Variants in DPP3 observed in about 807,000 individuals in gnomAD.
DPP3 encodes the protein DPP III.
DPP3 carries 64 observed loss-of-function variants against 89.8 expected under a neutral mutation model. That is an observed-to-expected ratio of 0.71 (90% CI 0.58 to 0.88). The LOEUF (loss-of-function observed/expected upper bound fraction) is 0.88. DPP3 is among the 40% of genes least tolerant of loss of function. The probability of loss-of-function intolerance (pLI) is 0.00; values close to 1 mark genes in which losing one functional copy is unlikely to be tolerated. For synonymous variants in DPP3, 377 were observed against 404.3 expected (o/e 0.93, Z 0.81); for missense variants, 835 against 972.5 (o/e 0.86, Z 1.88).
At chr11:66,485,397 A>G in intron 3 of DPP3, 135 bp downstream of exon 3, 1 of 840,718 alleles carries the variant, frequency 1.2e-6, no homozygotes, top group Non-Finnish European at 1.9e-6. Flanking sequence ...TCCACCCTGC[A>G]TGACTGTGGG....
intron 6 of DPP3, among the ~76,000 whole-genome samples, chr11:66,489,169 G>C (rs759689112): frequency 1.3e-5 from 2 of 152,040 alleles, no homozygotes; most frequent in Non-Finnish European, 2.9e-5. Context: ...CCTGGCCCCT[G>C]TCCAGGTCTT....
intron 17 of DPP3, among the ~76,000 whole-genome samples, chr11:66,508,326 T>C (rs1855854748): frequency 6.6e-6 from 1 of 152,188 alleles, no homozygotes; most frequent in Non-Finnish European, 1.5e-5. Flanking sequence ...CTAGCATTTG[T>C]TGAGCACCCC....
chr11:66,495,831 T>G, intron 15 of DPP3, 81 bp downstream of exon 15: 2 of 1,539,862 alleles, frequency 1.3e-6, no homozygotes, highest in Non-Finnish European at 1.7e-6. Context: ...ATGGGACCAC[T>G]GTACCTTTAA....
chr11:66,492,626 G>A, intron 9 of DPP3, 90 bp from the exon 10 acceptor site: 1 of 1,422,984 alleles, frequency 7.0e-7, no homozygotes, highest in Non-Finnish European at 9.5e-7. Flanking sequence ...CATACAGTAG[G>A]CATTCAGTAC....
intron 13 of DPP3, 29 bp downstream of exon 13, chr11:66,495,297 G>A (rs1004964047): frequency 6.2e-7 from 1 of 1,613,784 alleles, no homozygotes; most frequent in Admixed American, 1.7e-5. Flanking sequence ...GAGCCCCAGG[G>A]TACTGGGAGG....
At chr11:66,508,050 A>G (rs553039006) in intron 17 of DPP3, among the ~76,000 whole-genome samples, 6 of 152,324 alleles carry the variant, frequency 3.9e-5, no homozygotes, top group African/African-American at 1.4e-4. Context: ...CTCATTTTTC[A>G]TCTGGAAAAT....
intron 4 of DPP3, 43 bp downstream of exon 4, chr11:66,486,720 A>G: frequency 3.5e-6 from 5 of 1,449,054 alleles, no homozygotes; most frequent in Non-Finnish European, 4.6e-6. Context: ...AGTGGAGGGA[A>G]TCCTTCAAGG....
At chr11:66,498,601 C>A (rs1855601911) in intron 16 of DPP3, among the ~76,000 whole-genome samples, 1 of 152,186 alleles carries the variant, frequency 6.6e-6, no homozygotes, top group South Asian at 2.1e-4. Context: ...CCCTCAGTAA[C>A]AACACTTCTA....
Position 66,509,510 on chromosome 11 carries a change from G to C in DPP3, c.*259G>C. The C allele has an allele frequency of 1.6e-6, 2 of 1,224,774 alleles. No individual in the cohort carries two copies. The highest frequency in any genetic ancestry group is 2.3e-6 in the Non-Finnish European group (2 of 863,684). 75.9% of individuals were successfully genotyped at this position (1,224,774 alleles called of 1,614,324 possible). A position where few individuals can be genotyped will look rare whatever the true frequency, so the allele number is the denominator to read the frequency against. Reference sequence around the variant, plus strand: ...ACAGGGCTTACCATCCTGTCTACCAGATGAGGAAATGGCAGTTCTGAGAAG... The same window carrying C: ...ACAGGGCTTACCATCCTGTCTACCACATGAGGAAATGGCAGTTCTGAGAAG... On this transcript the variant is annotated 3_prime_UTR_variant, in exon 18 of 18. Coordinates refer to ENST00000531863, the MANE Select transcript of DPP3 (RefSeq NM_130443.4).
In DPP3 at chr11:66,495,247, C is replaced by A; in HGVS notation, c.1431C>A (p.Ile477=). 1 of 1,612,894 alleles carries A rather than the reference C, an allele frequency of 6.2e-7. No homozygotes were observed. Among genetic ancestry groups the A allele is most frequent in the South Asian group, 1.1e-5 (1 of 91,012 alleles). The change falls in exon 13 of 18, where the codon ATC becomes ATA. Residue 477 remains isoleucine, a synonymous_variant. Transcript: ENST00000531863. Reference sequence around the variant, plus strand: ...TCAACTTTGACCAGGAAACAGTGATCAACCCAGAGACGGGCGAGCAGGTGA... The same window carrying A: ...TCAACTTTGACCAGGAAACAGTGATAAACCCAGAGACGGGCGAGCAGGTGA... ...GAFNFDQETV[I]NPETGEQIQS... is the part of the protein sequence containing the mutation.
chr11:66,494,837 C>A (rs911455363), intron 12 of DPP3, among the ~76,000 whole-genome samples: 1 of 152,152 alleles, frequency 6.6e-6, no homozygotes, highest in Non-Finnish European at 1.5e-5. Flanking sequence ...GCCAGGAGCC[C>A]GTGGTGGGCA....
chr11:66,499,756 C>T (rs1027161597), intron 16 of DPP3, among the ~76,000 whole-genome samples: 3 of 151,126 alleles, frequency 2.0e-5, no homozygotes, highest in Non-Finnish European at 2.9e-5. Flanking sequence ...GGTGACACAG[C>T]GAAACACTGC....
chr11:66,482,237 G>T lies in DPP3; in HGVS notation c.37G>T (p.Gly13Cys), dbSNP rs955266815. Residue 13 changes from glycine to cysteine, a missense_variant, in exon 2 of 18, where the codon GGC becomes TGC. Coordinates refer to ENST00000531863, the MANE Select transcript of DPP3 (RefSeq NM_130443.4). Reference sequence around the variant, plus strand: ...CCAGTACATCCTGCCCAATGACATCGGCGTGTCTAGCCTGGACTGCCGTGA... The same window carrying T: ...CCAGTACATCCTGCCCAATGACATCTGCGTGTCTAGCCTGGACTGCCGTGA... The part of the protein sequence containing the change: ...DTQYILPNDI[G>C]VSSLDCREAF... 6.2e-7 allele frequency: 1 copy of T among 1,614,000 alleles called. No individual in the cohort carries two copies. The highest frequency in any genetic ancestry group is 8.5e-7 in the Non-Finnish European group (1 of 1,180,034).
intron 5 of DPP3, 76 bp downstream of exon 5, chr11:66,487,418 C>G: frequency 6.9e-7 from 1 of 1,457,790 alleles, no homozygotes; most frequent in Non-Finnish European, 9.6e-7. Context: ...AACTGGTGAC[C>G]ACTCCTGGGT....
rs999112674 is a variant in DPP3 at position 66,509,295 on chromosome 11, G to T, written c.*44G>T. The T allele has an allele frequency of 1.9e-6, 3 of 1,568,500 alleles. No individual in the cohort carries two copies. The highest frequency in any genetic ancestry group is 2.6e-6 in the Non-Finnish European group (3 of 1,155,738). On this transcript the variant is annotated 3_prime_UTR_variant, in exon 18 of 18. Coordinates refer to ENST00000531863, the MANE Select transcript of DPP3 (RefSeq NM_130443.4). ...CCCCCAATTCCATCAGACCAAGGCTGCAAGTGGCCCTCCATTCGTGTGTGT... is the reference window on the plus strand; with the variant it reads ...CCCCCAATTCCATCAGACCAAGGCTTCAAGTGGCCCTCCATTCGTGTGTGT...
rs1347435850 is a variant in DPP3, at chr11:66,509,650, AACC to A, written c.*404_*406del. On this transcript the variant is annotated 3_prime_UTR_variant, in exon 18 of 18. Coordinates refer to ENST00000531863, the MANE Select transcript of DPP3 (RefSeq NM_130443.4). Reference sequence around the variant, plus strand: ...AACCAGACAAATAAATATTAGAGACAACCACCATCTTTGCGGCGTGTGTGGCTC... The same window carrying A: ...AACCAGACAAATAAATATTAGAGACAACCATCTTTGCGGCGTGTGTGGCTC... 2.0e-6 allele frequency: 1 copy of A among 493,026 alleles called. No individual in the cohort carries two copies. 30.5% of individuals were successfully genotyped at this position (493,026 alleles called of 1,614,324 possible).
chr11:66,480,603 CA>C, intron 1 of DPP3, 138 bp downstream of exon 1: 1 of 1,016,124 alleles, frequency 9.8e-7, no homozygotes, highest in South Asian at 2.1e-5. Context: ...CCCTCGAGGC[CA>C]AGGAGTGCTC....
intron 6 of DPP3, among the ~76,000 whole-genome samples, chr11:66,489,466 A>G (rs1315393818): frequency 1.3e-5 from 2 of 152,144 alleles, no homozygotes; most frequent in African/African-American, 4.8e-5. Flanking sequence ...ATGATGGCAG[A>G]TGTGGGTTCA....
intron 11 of DPP3, 111 bp downstream of exon 11, chr11:66,493,290 C>A: frequency 1.0e-6 from 1 of 977,434 alleles, no homozygotes; most frequent in Non-Finnish European, 1.5e-6. Context: ...TCAGTCCTGG[C>A]TCTGCCACTT....
Sources: allele counts gnomAD v4.1 joint callset (sites outside exome capture counted in the v4.1 genomes callset), GRCh38; gene constraint gnomAD v4.1.1; transcripts MANE v1.5; gene names NCBI Gene and HGNC (gene_info 2026-07-23, HGNC 2026-07-21).